Variants in ZMYM4 observed in about 807,000 individuals in gnomAD.
The protein encoded by ZMYM4 is zinc finger MYM-type protein 4.
In ZMYM4, 31 loss-of-function variants were observed where a neutral mutation model predicts 183.2. The ratio of observed to expected loss-of-function variants is 0.17; its 90% CI spans 0.13 to 0.23. The LOEUF is 0.23. Ranked by LOEUF, ZMYM4 falls within the 10% of genes least tolerant of loss-of-function variation. ZMYM4 has a pLI of 1.00. For synonymous variants in ZMYM4, 592 were observed against 631.2 expected, an observed-to-expected ratio of 0.94 and a Z score of 0.93; for missense variants, 1,273 against 1,840.3, an observed-to-expected ratio of 0.69 and a Z score of 5.64.
chr1:35,386,081 A>G lies in ZMYM4; in HGVS notation c.1728A>G (p.Gln576=). The G allele has an allele frequency of 5.0e-6, 8 of 1,612,710 alleles. No homozygotes were observed. Among genetic ancestry groups the G allele is most frequent in the Non-Finnish European group, 6.8e-6 (8 of 1,179,062 alleles). ...TTATTTTGATTTGCTAAGGTGTACA[A>G]GTTCAGTGTAACAGTTGTAAAACCT... is the stretch of plus-strand genomic sequence containing the variant. The part of the protein sequence containing the change: ...RVKMVTSAGV[Q]VQCNSCKTSA... Residue 576 remains glutamine, a synonymous_variant, in exon 11 of 30, where the codon CAA becomes CAG. Transcript: ENST00000314607.
In ZMYM4 at chr1:35,387,326, A is replaced by G. The variant is rs773392866; in HGVS notation, c.2112+48A>G. Reference sequence around the variant, plus strand: ...TAAGATTTTGAGTATACGTGGGTCTATTTGTAAAATTATTTTTAACTTTGC... The same window carrying G: ...TAAGATTTTGAGTATACGTGGGTCTGTTTGTAAAATTATTTTTAACTTTGC... On this transcript the variant is annotated intron_variant, in intron 12 of 29. Coordinates refer to ENST00000314607, the MANE Select transcript of ZMYM4 (RefSeq NM_005095.3). 9 of 1,589,438 alleles carry G rather than the reference A, an allele frequency of 5.7e-6. No homozygotes were observed. In the Admixed American group the frequency reaches 1.1e-4, roughly 19 times the overall value.
chr1:35,370,216 T>A, intron 6 of ZMYM4, 103 bp downstream of exon 6: 1 of 1,506,246 alleles, frequency 6.6e-7, no homozygotes, highest in Non-Finnish European at 9.0e-7. Context: ...CTCTACCCAC[T>A]TAGGATGCCT....
chr1:35,368,501 T>C (rs1181780822), intron 5 of ZMYM4, among the ~76,000 whole-genome samples: 1 of 152,158 alleles, frequency 6.6e-6, no homozygotes, highest in Non-Finnish European at 1.5e-5. Flanking sequence ...ATGTACTTTT[T>C]GTAAATGAAC....
chr1:35,378,196 C>T (rs1225570455), intron 7 of ZMYM4, among the ~76,000 whole-genome samples: 1 of 152,178 alleles, frequency 6.6e-6, no homozygotes, highest in Admixed American at 6.5e-5. Flanking sequence ...GTAGTTATTT[C>T]CTCCACAGAA....
At chr1:35,409,449 C>CTT (rs574950499) in intron 26 of ZMYM4, among the ~76,000 whole-genome samples, 2 of 144,718 alleles carry the variant, frequency 1.4e-5, no homozygotes, top group Non-Finnish European at 3.1e-5. Flanking sequence ...TAATTTCTGT[C>CTT]TTTTTTTTTT....
intron 1 of ZMYM4, among the ~76,000 whole-genome samples, chr1:35,280,252 TTCTCTCTTTCTC>T (rs201342347): frequency 0.062 from 9,260 of 149,372 alleles, 862 homozygotes; most frequent in East Asian, 0.43. Context: ...CTCTCTTTCT[TTCTCTCTTTCTC>T]TCTCTCTCTC....
chr1:35,317,339 A>T (rs951690144), intron 1 of ZMYM4, among the ~76,000 whole-genome samples: 1 of 152,020 alleles, frequency 6.6e-6, no homozygotes, highest in Non-Finnish European at 1.5e-5. Context: ...AGGCTGAGCC[A>T]AGAGAATCCC....
rs544561798 is a variant in ZMYM4, at chr1:35,283,463, G to A, written c.39+14378G>A. On this transcript the variant is annotated intron_variant, in intron 1 of 29. Transcript: ENST00000314607. ...CGCCATTCTCCTGCCTCAGCCTCCC[G>A]AATACCTGGGACTACAGGCGCCCAC... is the stretch of plus-strand genomic sequence containing the variant. Among the ~76,000 whole-genome samples the A allele has an allele frequency of 5.4e-5, 8 of 147,656 alleles. No individual in the cohort carries two copies. The East Asian group carries it at 5.9e-4, about 11-fold the overall frequency.
At chr1:35,270,258 C>T (rs1639528157) in intron 1 of ZMYM4, among the ~76,000 whole-genome samples, 1 of 152,142 alleles carries the variant, frequency 6.6e-6, no homozygotes, top group South Asian at 2.1e-4. Flanking sequence ...CCAGGTTTGT[C>T]CCAACTATAG....
intron 1 of ZMYM4, among the ~76,000 whole-genome samples, chr1:35,270,684 T>TGGGAGGCGGTGGTAGCA (rs528346115): frequency 2.0e-5 from 3 of 152,008 alleles, no homozygotes; most frequent in Admixed American, 6.6e-5. Flanking sequence ...CGCTTGAACC[T>TGGGAGGCGGTGGTAGCA]GGGAGGCGGT....
intron 20 of ZMYM4, 106 bp downstream of exon 20, chr1:35,397,651 T>C (rs1644833588): frequency 2.1e-6 from 2 of 944,654 alleles, no homozygotes; most frequent in Admixed American, 3.6e-5. Flanking sequence ...AAACCTTTAT[T>C]GTCTGTGAAT....
intron 1 of ZMYM4, among the ~76,000 whole-genome samples, chr1:35,307,539 A>ATTTTTT (rs762414783): frequency 7.1e-6 from 1 of 141,178 alleles, no homozygotes; most frequent in African/African-American, 2.6e-5. Context: ...TATTATTATT[A>ATTTTTT]TTATTTTTTT....
At chr1:35,352,179 G>A (rs1487624602) in intron 2 of ZMYM4, among the ~76,000 whole-genome samples, 2 of 152,070 alleles carry the variant, frequency 1.3e-5, no homozygotes. Context: ...TGGGAGGATC[G>A]CTTGAGTCCA....
intron 1 of ZMYM4, chr1:35,308,947 G>A: frequency 3.0e-6 from 3 of 983,740 alleles, no homozygotes; most frequent in East Asian, 1.1e-4. Flanking sequence ...AATTGACATA[G>A]CAAGTTGAAA....
At chr1:35,361,857 A>G in intron 5 of ZMYM4, 68 bp downstream of exon 5, 1 of 1,540,330 alleles carries the variant, frequency 6.5e-7, no homozygotes, top group South Asian at 1.3e-5. Flanking sequence ...TTGAGAGAGG[A>G]AGTGCTTAAG....
chr1:35,340,451 AAAT>A (rs1643157129), intron 2 of ZMYM4, among the ~76,000 whole-genome samples: 1 of 151,956 alleles, frequency 6.6e-6, no homozygotes, highest in Non-Finnish European at 1.5e-5. Context: ...TATATAATGA[AAAT>A]AATTATACAG....
chr1:35,401,734 T>G (rs1428866721), intron 23 of ZMYM4, among the ~76,000 whole-genome samples: 1 of 152,250 alleles, frequency 6.6e-6, no homozygotes, highest in Non-Finnish European at 1.5e-5. Flanking sequence ...CTAGAAGTTT[T>G]ATAGTTTTAA....
intron 1 of ZMYM4, among the ~76,000 whole-genome samples, chr1:35,270,233 A>G (rs1181922079): frequency 6.6e-6 from 1 of 152,210 alleles, no homozygotes; most frequent in Non-Finnish European, 1.5e-5. Context: ...TGCAAGGTTG[A>G]GGTAGGATTT....
intron 15 of ZMYM4, among the ~76,000 whole-genome samples, chr1:35,391,737 G>A (rs1267205592): frequency 2.0e-5 from 3 of 152,120 alleles, no homozygotes; most frequent in Non-Finnish European, 2.9e-5. Flanking sequence ...AAACTTTCAA[G>A]TTTTACTAAT....
Sources: gnomAD v4.1 joint callset for allele counts (sites outside exome capture counted in the v4.1 genomes callset) on GRCh38, gnomAD v4.1.1 for gene constraint, MANE v1.5 for transcripts, NCBI Gene and HGNC (gene_info 2026-07-23, HGNC 2026-07-21) for gene names.